Variants in INPP4B observed in about 807,000 individuals in gnomAD.
The protein encoded by INPP4B is inositol polyphosphate-4-phosphatase type II B.
Under a neutral mutation model 122.5 loss-of-function variants are expected in INPP4B, and 55 were observed. That is an observed-to-expected ratio of 0.45 (90% CI 0.36 to 0.56). The LOEUF (loss-of-function observed/expected upper bound fraction) is 0.56, where lower values mean the gene tolerates loss of function less well. Among genes scored for constraint, INPP4B ranks in the 20% least tolerant of loss-of-function variants. The pLI is 0.00. For missense variants in INPP4B, 1,000 were observed against 1,097.7 expected, an observed-to-expected ratio of 0.91 and a Z score of 1.26; for synonymous variants, 403 against 388.7, an observed-to-expected ratio of 1.04 and a Z score of -0.43.
In INPP4B at chr4:142,026,614, G is replaced by A. The variant is rs1438732225; in HGVS notation, c.*2168C>T. On this transcript the variant is annotated 3_prime_UTR_variant, in exon 26 of 26. Transcript: ENST00000262992. Reference sequence around the variant, plus strand: ...CCCAAGTAGCTGGGATTACACGTGTGTGCCACCACATCCAGCTAATTTTTG... The same window carrying A: ...CCCAAGTAGCTGGGATTACACGTGTATGCCACCACATCCAGCTAATTTTTG... The A allele has an allele frequency of 6.6e-6, 1 of 152,354 alleles. No homozygotes were observed. The highest frequency in any genetic ancestry group is 1.5e-5 in the Non-Finnish European group (1 of 68,240). The allele number at this position is 152,354 out of a possible 1,614,324, so 9.4% of individuals were successfully genotyped here.
chr4:142,585,883 A>C (rs949886654), intron 2 of INPP4B, among the ~76,000 whole-genome samples: 18 of 104,978 alleles, frequency 1.7e-4, no homozygotes, highest in Admixed American at 1.1e-3. Context: ...ATTATACTTT[A>C]AGTTCTGGGG....
Position 142,796,898 on chromosome 4 carries a change from GTGTGTGTGTGTGTGTGTC to G in INPP4B, c.-254+49293_-254+49310del, listed in dbSNP as rs1409919509. On this transcript the variant is annotated intron_variant, in intron 1 of 25. Coordinates refer to ENST00000262992, the MANE Select transcript of INPP4B (RefSeq NM_001101669.3). The stretch of plus-strand genomic sequence containing the variant: ...TGTGTGTGTGTGTGTGTGTGTGTGT[GTGTGTGTGTGTGTGTGTC>G]TGTGTGTAATAGCAGAGAACAAAAT... Among the ~76,000 whole-genome samples, 344 of 150,572 alleles carry G rather than the reference GTGTGTGTGTGTGTGTGTC, an allele frequency of 2.3e-3. 2 individuals are homozygous for G. The highest frequency in any genetic ancestry group is 7.5e-3 in the African/African-American group (306 of 40,942).
chr4:142,621,239 A>C (rs946833123), intron 2 of INPP4B, among the ~76,000 whole-genome samples: 5 of 151,962 alleles, frequency 3.3e-5, no homozygotes, highest in African/African-American at 1.2e-4. Flanking sequence ...CCTTCTTCTT[A>C]TTATTGACCA....
At chr4:142,372,329 T>A (rs1003597130) in intron 7 of INPP4B, among the ~76,000 whole-genome samples, 3 of 152,064 alleles carry the variant, frequency 2.0e-5, no homozygotes, top group African/African-American at 7.2e-5. Flanking sequence ...AAGGAATTAG[T>A]TATAGTGTTC....
At chr4:142,170,417 TGTTTCC>T (rs1288872251) in intron 16 of INPP4B, among the ~76,000 whole-genome samples, 14 of 151,788 alleles carry the variant, frequency 9.2e-5, no homozygotes, top group African/African-American at 3.1e-4. Flanking sequence ...CCCCCACATT[TGTTTCC>T]GTAGTCCTAT....
chr4:142,649,163 G>A (rs1752420920), intron 2 of INPP4B, among the ~76,000 whole-genome samples: 1 of 152,100 alleles, frequency 6.6e-6, no homozygotes, highest in Admixed American at 6.6e-5. Context: ...AAACAGAAAG[G>A]AATAGTACCA....
At chr4:142,151,048 C>A (rs562959953) in intron 17 of INPP4B, among the ~76,000 whole-genome samples, 61 of 152,276 alleles carry the variant, frequency 4.0e-4, no homozygotes, top group African/African-American at 1.3e-3. Context: ...AGTGAATTAA[C>A]AAGGCCAATT....
chr4:142,482,935 A>G (rs1232955280), intron 2 of INPP4B, among the ~76,000 whole-genome samples: 10 of 152,142 alleles, frequency 6.6e-5, no homozygotes, highest in Non-Finnish European at 1.5e-5. Context: ...TGAAATAATG[A>G]CTGTCATATA....
chr4:142,682,825 A>C (rs1413771554), intron 2 of INPP4B, among the ~76,000 whole-genome samples: 1 of 151,988 alleles, frequency 6.6e-6, no homozygotes. Flanking sequence ...TACTTAATAT[A>C]AAGTACCTTT....
chr4:142,411,792 T>C (rs549580392), intron 5 of INPP4B, among the ~76,000 whole-genome samples: 1 of 152,152 alleles, frequency 6.6e-6, no homozygotes, highest in African/African-American at 2.4e-5. Flanking sequence ...CTCGGGAGGC[T>C]GAGGCACGAG....
intron 1 of INPP4B, among the ~76,000 whole-genome samples, chr4:142,831,297 T>C (rs1028122532): frequency 2.6e-5 from 4 of 152,172 alleles, no homozygotes; most frequent in Non-Finnish European, 5.9e-5. Context: ...CAGTTCTATA[T>C]AGCAGAGTCT....
chr4:142,749,140 AAT>A (rs756378787), intron 1 of INPP4B, among the ~76,000 whole-genome samples: 8 of 146,906 alleles, frequency 5.4e-5, no homozygotes, highest in South Asian at 2.1e-4. Flanking sequence ...CTCTGTCTCA[AAT>A]ATATATATAT....
intron 2 of INPP4B, among the ~76,000 whole-genome samples, chr4:142,701,109 A>C (rs1481137833): frequency 2.0e-5 from 3 of 152,072 alleles, no homozygotes; most frequent in Admixed American, 2.0e-4. Context: ...ATCACAGAAA[A>C]GTTTATATGG....
chr4:142,173,721 T>C lies in INPP4B; in HGVS notation c.1270A>G (p.Ile424Val). Residue 424 changes from isoleucine (I) to valine (V), a missense_variant, in exon 16 of 26, where the codon ATA (isoleucine) becomes GTA (valine). Physicochemically the swap from Ile to Val is conservative, Grantham distance 29. Coordinates refer to ENST00000262992, the MANE Select transcript of INPP4B (RefSeq NM_001101669.3). The part of the protein sequence containing the change: ...LSNINQLQPL[I>V]ATHADLLLNS... ...AGCAGTAGGTCTGCATGGGTTGCTA[T>C]AAGAGGTTGTAGTTGATTGATGTTG... 1 of 1,613,386 alleles carries C rather than the reference T, an allele frequency of 6.2e-7. No individual in the cohort carries two copies. The highest frequency in any genetic ancestry group is 8.5e-7 in the Non-Finnish European group (1 of 1,179,510).
chr4:142,789,542 T>C (rs1405239622), intron 1 of INPP4B, among the ~76,000 whole-genome samples: 1 of 151,868 alleles, frequency 6.6e-6, no homozygotes, highest in Non-Finnish European at 1.5e-5. Context: ...TATTTTGTAA[T>C]TTTCCTTGCA....
At chr4:142,423,618 T>C (rs56305220) in intron 5 of INPP4B, 8,266 of 222,036 alleles carry the variant, frequency 0.037, 742 homozygotes, top group African/African-American at 0.18. Context: ...AAGGACCTCT[T>C]GTCATTGTAC....
intron 2 of INPP4B, among the ~76,000 whole-genome samples, chr4:142,663,134 A>G (rs1423731844): frequency 6.6e-6 from 1 of 152,238 alleles, no homozygotes; most frequent in Non-Finnish European, 1.5e-5. Context: ...AAAGTGAGAG[A>G]AAGGTATGAA....
chr4:142,104,465 AT>A (rs1270606643), intron 23 of INPP4B, among the ~76,000 whole-genome samples: 1 of 152,200 alleles, frequency 6.6e-6, no homozygotes, highest in Non-Finnish European at 1.5e-5. Flanking sequence ...CCACACTGGA[AT>A]TCCCAGGCTG....
intron 7 of INPP4B, among the ~76,000 whole-genome samples, chr4:142,343,551 A>C (rs1268182489): frequency 6.6e-6 from 1 of 151,898 alleles, no homozygotes; most frequent in Non-Finnish European, 1.5e-5. Flanking sequence ...ACCAAAATGG[A>C]GAATTGCAAT....
Sources: allele counts gnomAD v4.1 joint callset (sites outside exome capture counted in the v4.1 genomes callset), GRCh38; gene constraint gnomAD v4.1.1; transcripts MANE v1.5; gene names NCBI Gene and HGNC (gene_info 2026-07-23, HGNC 2026-07-21).